KCTD19: variants seen among roughly 807,000 people sequenced by gnomAD.
The protein encoded by KCTD19 is BTB/POZ domain-containing protein KCTD19.
In KCTD19, 67 loss-of-function variants were observed where a neutral mutation model predicts 103.5. The observed-to-expected ratio is 0.65, with a 90% confidence interval of 0.53 to 0.79. KCTD19 has a LOEUF of 0.79. KCTD19 is among the 30% of genes least tolerant of loss of function. KCTD19 has a pLI of 0.00. For missense variants in KCTD19, 980 were observed against 1,136.1 expected, an observed-to-expected ratio of 0.86 and a Z score of 1.98; for synonymous variants, 439 against 452.2, an observed-to-expected ratio of 0.97 and a Z score of 0.37.
chr16:67,314,830 T>TATATATATATAG (rs1430877802), intron 2 of KCTD19, among the ~76,000 whole-genome samples: 1 of 33,652 alleles, frequency 3.0e-5, no homozygotes, highest in African/African-American at 2.1e-4. Context: ...TATATATATA[T>TATATATATATAG]AGAGAGAGAG....
In KCTD19 at chr16:67,291,205, C is replaced by T. The variant is rs548224001; in HGVS notation, c.2565+104G>A. On this transcript the variant is annotated intron_variant, in intron 14 of 15. Coordinates refer to ENST00000304372, the MANE Select transcript of KCTD19 (RefSeq NM_001100915.3). ...TCTGGCCCTGGCCTTCTCCTTAACC[C>T]CATCTTGGCTTACTTCCTCTTGCCT... 1,655 of 1,411,856 alleles carry T rather than the reference C, an allele frequency of 1.2e-3. No homozygotes were observed. Among genetic ancestry groups the T allele is most frequent in the Non-Finnish European group, 1.4e-3 (1,481 of 1,035,312 alleles). 87.5% of individuals were successfully genotyped at this position (1,411,856 alleles called of 1,614,324 possible).
chr16:67,308,170 C>CT (rs554751590), intron 2 of KCTD19, among the ~76,000 whole-genome samples: 3,633 of 134,538 alleles, frequency 0.027, 78 homozygotes, highest in Admixed American at 0.039. Flanking sequence ...TCTTTCTTTT[C>CT]TTTTTTTTTT....
chr16:67,294,510 C>T, intron 11 of KCTD19, 70 bp downstream of exon 11: 2 of 1,072,852 alleles, frequency 1.9e-6, no homozygotes, highest in East Asian at 4.7e-5. Flanking sequence ...CTGAACCTAC[C>T]CCCATCCACC....
intron 2 of KCTD19, among the ~76,000 whole-genome samples, chr16:67,314,799 T>TTTTATATATATATA (rs1403977344): frequency 2.2e-5 from 1 of 45,896 alleles, no homozygotes; most frequent in African/African-American, 1.1e-4. Flanking sequence ...TCACTTAGCA[T>TTTTATATATATATA]TATATATATA....
intron 15 of KCTD19, 88 bp from the exon 16 acceptor site, chr16:67,289,770 G>A: frequency 1.1e-6 from 1 of 944,394 alleles, no homozygotes; most frequent in Non-Finnish European, 1.7e-6. Context: ...ATTGGGGCAG[G>A]GACAGGGCAA....
Position 67,289,658 on chromosome 16 carries a change from A to G in KCTD19, c.2692T>C (p.Tyr898His). ...VELTLPFARKYGRCMDLLIQR... is the reference protein window; with the variant it reads ...VELTLPFARKHGRCMDLLIQR... ...ATGAGCAGGTCCATGCATCGGCCAT[A>G]TTTCCTGGCGAAGGGCAGTGTAAGC... Residue 898 changes from tyrosine to histidine, a missense_variant, in exon 16 of 16, where the codon TAT (tyrosine) becomes CAT (histidine). Tyr to His is a moderately conservative substitution (Grantham distance 83). Coordinates refer to ENST00000304372, the MANE Select transcript of KCTD19 (RefSeq NM_001100915.3). The G allele has an allele frequency of 6.2e-7, 1 of 1,613,954 alleles. No homozygotes were observed. Among genetic ancestry groups the G allele is most frequent in the African/African-American group, 1.3e-5 (1 of 74,996 alleles).
intron 1 of KCTD19, among the ~76,000 whole-genome samples, chr16:67,325,646 G>C (rs542676793): frequency 3.9e-5 from 6 of 152,232 alleles, no homozygotes; most frequent in Non-Finnish European, 7.4e-5. Flanking sequence ...GCTGGAGTGA[G>C]GGTAGGGGTT....
At position 67,293,081 on chromosome 16, in the gene KCTD19, A is replaced by G. The variant is rs2036718707; in HGVS notation, c.2218+463T>C. On this transcript the variant is annotated intron_variant, in intron 12 of 15. Transcript: ENST00000304372. This position sits in a 1 kb window ranked among gnomAD's most constrained non-coding sequence, Gnocchi z 4.0. ...ACCTGACCCCGTGCTCTTGTCTAAA[A>G]TCCTTCAGACGCTGCTCACTCCCAT... 6.6e-6 allele frequency among the ~76,000 whole-genome samples: 1 copy of G among 152,100 alleles called. No individual in the cohort carries two copies. The highest frequency in any genetic ancestry group is 6.5e-5 in the Admixed American group (1 of 15,268).
At chr16:67,291,490 C>A (rs757323824) in intron 13 of KCTD19, 27 bp from the exon 14 acceptor site, 15 of 1,608,402 alleles carry the variant, frequency 9.3e-6, no homozygotes, top group Non-Finnish European at 1.3e-5. Context: ...GTGGATGTGG[C>A]CACATCTGTC....
At position 67,299,547 on chromosome 16, in the gene KCTD19, G is replaced by C; in HGVS notation, c.802C>G (p.Pro268Ala). The C allele has an allele frequency of 6.2e-7, 1 of 1,613,446 alleles. No individual in the cohort carries two copies. The highest frequency in any genetic ancestry group is 2.2e-5 in the East Asian group (1 of 44,876). The change falls in exon 6 of 16, where the codon CCC becomes GCC. Residue 268 changes from proline to alanine, a missense_variant. Transcript: ENST00000304372. ...MGGCSPTTCS[P>A]LSPGKGARTA... ...CGGGCCCCCTTCCCGGGGCTCAGGG[G>C]AGAACAGGTGGTCGGGGAACAGCCA...
chr16:67,290,918 C>T lies in KCTD19; in HGVS notation c.2634G>A (p.Arg878=). 1.9e-6 allele frequency: 3 copies of T among 1,613,964 alleles called. No homozygotes were observed. The highest frequency in any genetic ancestry group is 2.5e-6 in the Non-Finnish European group (3 of 1,179,980). ...AGCTGTACAGGCGCTCCTGGGTGTG[C>T]CGGTCATCCTTGAAGCCGGTGATGG... ...LLAITGFKDD[R]HTQERLYSWV... is the part of the protein sequence containing the mutation. The change falls in exon 15 of 16, where the codon CGG becomes CGA. Residue 878 remains arginine (R), a synonymous_variant. Coordinates refer to ENST00000304372, the MANE Select transcript of KCTD19 (RefSeq NM_001100915.3).
chr16:67,291,082 CAGGGGT>C, intron 14 of KCTD19, 96 bp from the exon 15 acceptor site: 1 of 1,365,298 alleles, frequency 7.3e-7, no homozygotes, highest in Non-Finnish European at 1.0e-6. Context: ...CACAGAGCCA[CAGGGGT>C]AGGGGGCGGG....
Position 67,294,175 on chromosome 16 carries a change from G to T in KCTD19, c.1591-4C>A, listed in dbSNP as rs757433424. The T allele has an allele frequency of 6.3e-7, 1 of 1,595,946 alleles. No individual in the cohort carries two copies. On this transcript the variant is annotated splice_region_variant and splice_polypyrimidine_tract_variant and intron_variant, in intron 11 of 15. Coordinates refer to ENST00000304372, the MANE Select transcript of KCTD19 (RefSeq NM_001100915.3). ...CCACAGGCATGTAGGCTGTGGTCTG[G>T]GGAGGGAAGGGCACAGTAACTCTGG...
At chr16:67,314,011 C>A (rs375864058) in intron 2 of KCTD19, among the ~76,000 whole-genome samples, 1 of 152,102 alleles carries the variant, frequency 6.6e-6, no homozygotes, top group East Asian at 1.9e-4. Context: ...CACATGCTAC[C>A]ATGCCTGGAT....
At chr16:67,301,229 T>C (rs2036830290) in intron 5 of KCTD19, 1 of 153,250 alleles carries the variant, frequency 6.5e-6, no homozygotes, top group South Asian at 2.1e-4. Context: ...GAGGTAGGGC[T>C]GGGAGCACGA....
In KCTD19 at chr16:67,291,715, T is replaced by C. The variant is rs1340128052; in HGVS notation, c.2341A>G (p.Ser781Gly). 1.2e-6 allele frequency: 2 copies of C among 1,613,978 alleles called. No homozygotes were observed. The highest frequency in any genetic ancestry group is 1.7e-6 in the Non-Finnish European group (2 of 1,180,002). Residue 781 changes from serine (S) to glycine (G), a missense_variant, in exon 13 of 16, where the codon AGC becomes GGC. Coordinates refer to ENST00000304372, the MANE Select transcript of KCTD19 (RefSeq NM_001100915.3). ...TCCATCTCCGTGGTATAGATGATGCTGTCCTCAAAGAACATGCAGAAGCCA... is the reference window on the plus strand; with the variant it reads ...TCCATCTCCGTGGTATAGATGATGCCGTCCTCAAAGAACATGCAGAAGCCA... ...SDGFCMFFEDSIIYTTEMDNL... is the reference protein window; with the variant it reads ...SDGFCMFFEDGIIYTTEMDNL...
Position 67,293,737 on chromosome 16 carries a change from C to G in KCTD19, c.2025G>C (p.Glu675Asp). 3 of 1,614,062 alleles carry G rather than the reference C, an allele frequency of 1.9e-6. No homozygotes were observed. Among genetic ancestry groups the G allele is most frequent in the Non-Finnish European group, 2.5e-6 (3 of 1,180,006 alleles). ...CTGAGGTGCTGGGCTGGGAAGCAGC[C>G]TCGCTTCCCAAGGGGAGCTGCAGGG... is the stretch of plus-strand genomic sequence containing the variant. ...EATLQLPLGS[E>D]AASQPSTSAA... The change falls in exon 12 of 16, where the codon GAG (glutamate) becomes GAC (aspartate). Residue 675 changes from glutamate to aspartate, a missense_variant. Glu to Asp is a conservative substitution (Grantham distance 45). Transcript: ENST00000304372. The surrounding 1 kb of genome is among the most constrained non-coding windows in gnomAD (Gnocchi z 4.0).
At chr16:67,318,180 G>C (rs2037032498) in intron 2 of KCTD19, among the ~76,000 whole-genome samples, 1 of 152,202 alleles carries the variant, frequency 6.6e-6, no homozygotes, top group South Asian at 2.1e-4. Context: ...AGAGCCACAT[G>C]ATTCTTCAAA....
chr16:67,325,202 TTTTTC>T lies in KCTD19; in HGVS notation c.3+1498_3+1502del, dbSNP rs1402794605. ...TCTTTCTTTTTTTTCTTTTTTTCTT[TTTTTC>T]TTTTTTTTTTTTTTTGAGACGGAGT... is the stretch of plus-strand genomic sequence containing the variant. On this transcript the variant is annotated intron_variant, in intron 1 of 15. Transcript: ENST00000304372. Among the ~76,000 whole-genome samples the T allele has an allele frequency of 1.5e-3, 204 of 138,924 alleles. 1 individual carries two copies. The highest frequency in any genetic ancestry group is 3.6e-3 in the Middle Eastern group (1 of 280). 91.1% of individuals were successfully genotyped at this position (138,924 alleles called of 152,430 possible). A position where few individuals can be genotyped will look rare whatever the true frequency, so the allele number is the denominator to read the frequency against.
Sources: allele counts gnomAD v4.1 joint callset (sites outside exome capture counted in the v4.1 genomes callset), GRCh38; gene constraint gnomAD v4.1.1; non-coding constraint Gnocchi (gnomAD v3.1); transcripts MANE v1.5; gene names NCBI Gene and HGNC (gene_info 2026-07-23, HGNC 2026-07-21).